HTR2A: variants seen among roughly 807,000 people sequenced by gnomAD.
The protein encoded by HTR2A is 5-hydroxytryptamine receptor 2A.
In HTR2A, 14 loss-of-function variants were observed where a neutral mutation model predicts 31.0. The observed-to-expected ratio is 0.45, with a 90% CI of 0.30 to 0.71. HTR2A has a LOEUF of 0.71. HTR2A is among the 30% of genes least tolerant of loss of function. HTR2A has a pLI of 0.09. For synonymous variants in HTR2A, 209 were observed against 225.2 expected (o/e 0.93, Z 0.64); for missense variants, 442 against 573.3 (o/e 0.77, Z 2.34).
At chr13:46,869,952 G>GA (rs1950852371) in intron 3 of HTR2A, among the ~76,000 whole-genome samples, 1 of 152,020 alleles carries the variant, frequency 6.6e-6, no homozygotes, top group African/African-American at 2.4e-5. Context: ...TTGTGAAGGC[G>GA]AAAAAATTTG....
At position 46,888,101 on chromosome 13, in the gene HTR2A, A is replaced by G. The variant is rs1418406145; in HGVS notation, c.613+4289T>C. Among the ~76,000 whole-genome samples, 62 of 149,570 alleles carry G rather than the reference A, an allele frequency of 4.1e-4. 2 individuals carry two copies. The highest frequency in any genetic ancestry group is 1.5e-5 in the Non-Finnish European group (1 of 67,290). On this transcript the variant is annotated intron_variant, in intron 3 of 3. Coordinates refer to ENST00000542664, the MANE Select transcript of HTR2A (RefSeq NM_000621.5). ...AAGAACAAAGCAAAAAAAAAAATGT[A>G]GAAGTGCTTGAGTTATAAAGAACTT...
intron 3 of HTR2A, among the ~76,000 whole-genome samples, chr13:46,845,111 ATCATGATG>A (rs1282227063): frequency 6.6e-6 from 1 of 152,178 alleles, no homozygotes; most frequent in Non-Finnish European, 1.5e-5. Flanking sequence ...GTTCAATATA[ATCATGATG>A]TCTAAGATCT....
chr13:46,836,100 T>C (rs1321611099), intron 3 of HTR2A, among the ~76,000 whole-genome samples: 1 of 151,972 alleles, frequency 6.6e-6, no homozygotes, highest in Non-Finnish European at 1.5e-5. Context: ...TTTGATGCTG[T>C]TCATTTTAGA....
intron 3 of HTR2A, among the ~76,000 whole-genome samples, chr13:46,880,614 G>A (rs774421503): frequency 3.3e-5 from 5 of 152,054 alleles, no homozygotes; most frequent in Non-Finnish European, 7.4e-5. Flanking sequence ...CGAGGCAGGC[G>A]GATCTCCTGA....
chr13:46,864,575 G>A (rs921864717), intron 3 of HTR2A, among the ~76,000 whole-genome samples: 4 of 152,216 alleles, frequency 2.6e-5, no homozygotes, highest in Admixed American at 1.3e-4. Flanking sequence ...CGGTAAGAAG[G>A]TAGGAGCCTA....
intron 2 of HTR2A, 111 bp from the exon 3 acceptor site, chr13:46,892,701 G>A (rs1007722650): frequency 1.3e-6 from 1 of 798,858 alleles, no homozygotes; most frequent in African/African-American, 1.7e-5. Context: ...GGTGGCAAAG[G>A]GCAACACAAT....
At position 46,835,219 on chromosome 13, in the gene HTR2A, A is replaced by G. The variant is rs1399126722; in HGVS notation, c.1034T>C (p.Met345Thr). The change falls in exon 4 of 4, where the codon ATG becomes ACG. Residue 345 changes from methionine to threonine, a missense_variant. Met to Thr is a moderately conservative substitution (Grantham distance 81). Around this residue, in one of 5 missense-constraint regions of HTR2A, gnomAD observed 174 missense variants for 195.1 expected, o/e 0.89. Transcript: ENST00000542664. ...GCAGGACTCTTTGCAGATGACGGCC[A>G]TGATGTTTGTGATGAAGAAAGGGCA... ...MWCPFFITNI[M>T]AVICKESCNE... 11 of 1,614,038 alleles carry G rather than the reference A, an allele frequency of 6.8e-6. No homozygotes were observed. The highest frequency in any genetic ancestry group is 1.7e-5 in the Admixed American group (1 of 59,990).
At chr13:46,840,376 C>A (rs571080764) in intron 3 of HTR2A, among the ~76,000 whole-genome samples, 12 of 152,280 alleles carry the variant, frequency 7.9e-5, no homozygotes, top group East Asian at 1.9e-4. Context: ...ACAAACATGT[C>A]AGTTACCCAA....
At chr13:46,892,029 C>G (rs946067349) in intron 3 of HTR2A, among the ~76,000 whole-genome samples, 1 of 152,210 alleles carries the variant, frequency 6.6e-6, no homozygotes, top group Non-Finnish European at 1.5e-5. Context: ...GGTCTGCATC[C>G]TTACGTTGAT....
intron 3 of HTR2A, among the ~76,000 whole-genome samples, chr13:46,869,416 A>G (rs939773826): frequency 6.6e-6 from 1 of 152,160 alleles, no homozygotes; most frequent in Non-Finnish European, 1.5e-5. Flanking sequence ...GGCTATAACA[A>G]ACACAAGGAA....
chr13:46,886,371 T>C (rs1009502527), intron 3 of HTR2A, among the ~76,000 whole-genome samples: 1 of 152,000 alleles, frequency 6.6e-6, no homozygotes, highest in Non-Finnish European at 1.5e-5. Flanking sequence ...AAATGAGCTA[T>C]TAAAATATAA....
chr13:46,893,273 A>G (rs755921580), intron 2 of HTR2A, among the ~76,000 whole-genome samples: 4 of 152,170 alleles, frequency 2.6e-5, no homozygotes, highest in Non-Finnish European at 5.9e-5. Flanking sequence ...GCATTTCTCA[A>G]ACTTTAGTGA....
chr13:46,848,905 T>C (rs1381497824), intron 3 of HTR2A, among the ~76,000 whole-genome samples: 2 of 152,190 alleles, frequency 1.3e-5, no homozygotes, highest in Non-Finnish European at 2.9e-5. Context: ...TGATATTACT[T>C]ATACGTGGGA....
At chr13:46,868,935 TAAGC>T (rs1464338390) in intron 3 of HTR2A, among the ~76,000 whole-genome samples, 10 of 152,250 alleles carry the variant, frequency 6.6e-5, no homozygotes, top group Admixed American at 3.3e-4. Context: ...TATTAAATAA[TAAGC>T]AAGCAAACAG....
At chr13:46,881,895 C>T (rs559182448) in intron 3 of HTR2A, among the ~76,000 whole-genome samples, 1 of 152,036 alleles carries the variant, frequency 6.6e-6, no homozygotes, top group Non-Finnish European at 1.5e-5. Flanking sequence ...TTTTTTCAAG[C>T]ATTTTTTTTC....
At position 46,832,922 on chromosome 13, in the gene HTR2A, C is replaced by T. The variant is rs1268875664; in HGVS notation, c.*1915G>A. ...TTCTAATAACAACATGCAATTTAAC[C>T]TTGAGTGTTATAATATCAAGGTGGA... On this transcript the variant is annotated 3_prime_UTR_variant, in exon 4 of 4. Coordinates refer to ENST00000542664, the MANE Select transcript of HTR2A (RefSeq NM_000621.5). The T allele has an allele frequency of 1.3e-5, 2 of 152,102 alleles. No individual in the cohort carries two copies. The highest frequency in any genetic ancestry group is 6.5e-5 in the Admixed American group (1 of 15,270). The allele number at this position is 152,102 out of a possible 1,614,324, so 9.4% of individuals were successfully genotyped here. A position where few individuals can be genotyped will look rare whatever the true frequency, so the allele number is the denominator to read the frequency against.
chr13:46,882,061 TAAAAA>T (rs947115162), intron 3 of HTR2A, among the ~76,000 whole-genome samples: 1 of 151,926 alleles, frequency 6.6e-6, no homozygotes, highest in African/African-American at 2.4e-5. Flanking sequence ...AGGTTGCTCA[TAAAAA>T]AAGAAGTAAA....
In HTR2A at chr13:46,896,092, G is replaced by A. The variant is rs1190174967; in HGVS notation, c.-186C>T. 3.0e-6 allele frequency: 4 copies of A among 1,327,876 alleles called. No homozygotes were observed. The highest frequency in any genetic ancestry group is 5.6e-5 in the East Asian group (2 of 35,430). The allele number at this position is 1,327,876 out of a possible 1,614,324, so 82.3% of individuals were successfully genotyped here. On this transcript the variant is annotated 5_prime_UTR_variant, in exon 2 of 4. Coordinates refer to ENST00000542664, the MANE Select transcript of HTR2A (RefSeq NM_000621.5). ...GTTAAAGAACTGAACTGTGGTGGCTGTAAGTTTTCTTCATTCACAATTTTA... is the reference window on the plus strand; with the variant it reads ...GTTAAAGAACTGAACTGTGGTGGCTATAAGTTTTCTTCATTCACAATTTTA...
intron 3 of HTR2A, among the ~76,000 whole-genome samples, chr13:46,850,772 C>T (rs1197753923): frequency 6.6e-6 from 1 of 152,144 alleles, no homozygotes; most frequent in Non-Finnish European, 1.5e-5. Context: ...GGAAGACTGG[C>T]TATAGAAACC....
Sources: gnomAD v4.1 joint callset for allele counts (sites outside exome capture counted in the v4.1 genomes callset) on GRCh38, gnomAD v4.1.1 for gene constraint, gnomAD v4.1.1 regional missense constraint, MANE v1.5 for transcripts, NCBI Gene and HGNC (gene_info 2026-07-23, HGNC 2026-07-21) for gene names.